The following ACBD6 variants were observed in gnomAD, a reference collection of about 807,000 sequenced individuals.
ACBD6 encodes acyl-CoA-binding domain-containing protein 6.
ACBD6 carries 28 observed loss-of-function variants against 37.2 expected under a neutral mutation model. That is an observed-to-expected ratio of 0.75 (90% confidence interval 0.56 to 1.03). ACBD6 has a LOEUF of 1.03. Ranked by LOEUF, ACBD6 falls within the 50% of genes least tolerant of loss-of-function variation. The probability of loss-of-function intolerance (pLI) is 0.00; values close to 1 mark genes in which losing one functional copy is unlikely to be tolerated. For missense variants in ACBD6, 340 were observed against 337.4 expected (o/e 1.01, Z -0.06); for synonymous variants, 113 against 126.8 (o/e 0.89, Z 0.73).
At chr1:180,337,158 C>A (rs1215528989) in intron 6 of ACBD6, among the ~76,000 whole-genome samples, 1 of 152,136 alleles carries the variant, frequency 6.6e-6, no homozygotes, top group African/African-American at 2.4e-5. Context: ...TTTTATGAGG[C>A]CAGCATCATC....
intron 2 of ACBD6, 110 bp downstream of exon 2, chr1:180,495,351 G>T: frequency 2.7e-6 from 2 of 750,576 alleles, no homozygotes; most frequent in Non-Finnish European, 4.2e-6. Context: ...ATCTACAGCA[G>T]AGAGAGAGAT....
At chr1:180,439,805 T>C (rs1649207013) in intron 3 of ACBD6, among the ~76,000 whole-genome samples, 1 of 152,330 alleles carries the variant, frequency 6.6e-6, no homozygotes, top group Admixed American at 6.5e-5. Flanking sequence ...AGAACAGTCT[T>C]TGATTTTCAG....
At chr1:180,414,899 A>G (rs1207476050) in intron 4 of ACBD6, among the ~76,000 whole-genome samples, 3 of 152,150 alleles carry the variant, frequency 2.0e-5, no homozygotes, top group African/African-American at 7.2e-5. Context: ...GAGAATTCTG[A>G]TTTTAGAAAG....
intron 6 of ACBD6, among the ~76,000 whole-genome samples, chr1:180,375,153 G>T (rs1157540711): frequency 6.6e-6 from 1 of 151,998 alleles, no homozygotes; most frequent in African/African-American, 2.4e-5. Flanking sequence ...CACTTAAAAA[G>T]AAAAACTATG....
At chr1:180,440,952 A>G (rs1649257848) in intron 3 of ACBD6, among the ~76,000 whole-genome samples, 1 of 152,190 alleles carries the variant, frequency 6.6e-6, no homozygotes, top group African/African-American at 2.4e-5. Flanking sequence ...TCCACTCATC[A>G]GTTAATGGAC....
chr1:180,295,328 T>C (rs1649876882), intron 7 of ACBD6, among the ~76,000 whole-genome samples: 1 of 151,268 alleles, frequency 6.6e-6, no homozygotes. Flanking sequence ...TGAAGTGCAG[T>C]GGTGCAATCT....
exon 14 of ACBD6, chr1:180,271,519 C>T (rs770025447): frequency 1.2e-6 from 2 of 1,614,164 alleles, no homozygotes; most frequent in Admixed American, 1.7e-5. Flanking sequence ...CAGGCCTGGA[C>T]ATGAGGGTCG....
chr1:180,469,723 G>A (rs1419990045), intron 3 of ACBD6, among the ~76,000 whole-genome samples: 1 of 152,070 alleles, frequency 6.6e-6, no homozygotes, highest in Non-Finnish European at 1.5e-5. Context: ...ATTTCAACCT[G>A]GTCATTTATT....
intron 2 of ACBD6, among the ~76,000 whole-genome samples, chr1:180,493,004 T>C (rs1239251043): frequency 2.0e-5 from 3 of 151,698 alleles, no homozygotes; most frequent in African/African-American, 7.3e-5. Flanking sequence ...ATCCCAGCAC[T>C]TTGGGAGGCT....
intron 3 of ACBD6, among the ~76,000 whole-genome samples, chr1:180,441,187 T>A (rs1001953337): frequency 2.7e-4 from 41 of 151,812 alleles, no homozygotes; most frequent in African/African-American, 7.5e-4. Flanking sequence ...TGTCTCTACA[T>A]CCCTGCCAAA....
At chr1:180,439,301 G>A (rs1047730487) in intron 3 of ACBD6, among the ~76,000 whole-genome samples, 11 of 152,116 alleles carry the variant, frequency 7.2e-5, no homozygotes, top group African/African-American at 2.7e-4. Context: ...AGACTGGGGA[G>A]GGGCCGGGTG....
chr1:180,415,684 G>A (rs368671886), intron 4 of ACBD6, among the ~76,000 whole-genome samples: 108 of 152,308 alleles, frequency 7.1e-4, no homozygotes, highest in African/African-American at 2.3e-3. Flanking sequence ...TGTGGGTTAC[G>A]CATACCCAGT....
Position 180,502,451 on chromosome 1 carries a change from C to G in ACBD6, c.-185G>C. The G allele has an allele frequency of 1.5e-6, 1 of 681,680 alleles. No individual in the cohort carries two copies. The highest frequency in any genetic ancestry group is 2.2e-5 in the Admixed American group (1 of 45,982). The allele number at this position is 681,680 out of a possible 1,614,324, so 42.2% of individuals were successfully genotyped here. A position where few individuals can be genotyped will look rare whatever the true frequency, so the allele number is the denominator to read the frequency against. ...TGCCCACTTCTACTCCCTGGGCGTG[C>G]AGAGCAGGCTCCTCGACCCTCTGCC... On this transcript the variant is annotated 5_prime_UTR_variant, in exon 1 of 8. Transcript: ENST00000367595.
intron 7 of ACBD6, among the ~76,000 whole-genome samples, chr1:180,295,441 T>G (rs186724930): frequency 2.6e-3 from 400 of 152,240 alleles, no homozygotes; most frequent in African/African-American, 9.2e-3. Context: ...TTCATTTTCA[T>G]TCAGTTCAAA....
intron 5 of ACBD6, among the ~76,000 whole-genome samples, chr1:180,401,103 G>T (rs1195108745): frequency 1.3e-5 from 2 of 152,108 alleles, no homozygotes; most frequent in African/African-American, 4.8e-5. Flanking sequence ...AAATATCCCA[G>T]AAGTATTCAG....
At chr1:180,334,916 A>T (rs2149302570) in intron 6 of ACBD6, among the ~76,000 whole-genome samples, 1 of 152,300 alleles carries the variant, frequency 6.6e-6, no homozygotes, top group African/African-American at 2.4e-5. Context: ...TATCAGTGAT[A>T]GGAGATCAAA....
intron 6 of ACBD6, among the ~76,000 whole-genome samples, chr1:180,382,895 C>T (rs1208061565): frequency 6.6e-6 from 1 of 152,166 alleles, no homozygotes; most frequent in Non-Finnish European, 1.5e-5. Flanking sequence ...GTCCAACATA[C>T]ACAAATTAAT....
At position 180,413,421 on chromosome 1, in the gene ACBD6, T is replaced by C. The variant is rs780689735; in HGVS notation, c.518A>G (p.His173Arg). 22 of 1,613,558 alleles carry C rather than the reference T, an allele frequency of 1.4e-5. 1 individual carries two copies. The highest frequency in any genetic ancestry group is 6.6e-5 in the South Asian group (6 of 91,078). Residue 173 changes from histidine (H) to arginine (R), a missense_variant, in exon 5 of 8, where the codon CAT becomes CGT. Transcript: ENST00000367595. Reference protein sequence around the residue: ...FDYCRENNIDHITKAIKSKNV... With the variant: ...FDYCRENNIDRITKAIKSKNV... ...TTTCGATTTGATGGCTTTGGTTATA[T>C]GGTCAATGTTGTTTTCCCTGCAGTA...
chr1:180,449,810 C>T (rs1649630110), intron 3 of ACBD6, among the ~76,000 whole-genome samples: 1 of 150,884 alleles, frequency 6.6e-6, no homozygotes, highest in African/African-American at 2.4e-5. Context: ...ACACCTAATG[C>T]AAATGACAAG....
Sources: allele counts gnomAD v4.1 joint callset (sites outside exome capture counted in the v4.1 genomes callset), GRCh38; gene constraint gnomAD v4.1.1; transcripts MANE v1.5; gene names NCBI Gene and HGNC (gene_info 2026-07-23, HGNC 2026-07-21).